Variants in PKD1L1 observed in about 807,000 individuals in gnomAD.
PKD1L1 encodes polycystin 1 like 1, transient receptor potential channel interacting, also known as polycystin-1-like protein 1.
PKD1L1 carries 236 observed loss-of-function variants against 323.4 expected under a neutral mutation model. That is an observed-to-expected ratio of 0.73 (90% CI 0.66 to 0.81). The LOEUF (loss-of-function observed/expected upper bound fraction) is 0.81. PKD1L1 is among the 40% of genes least tolerant of loss of function. The pLI, the probability that PKD1L1 is intolerant of heterozygous loss-of-function variation, is 0.00. For missense variants in PKD1L1, 3,320 were observed against 3,508.0 expected (o/e 0.95, Z 1.35); for synonymous variants, 1,344 against 1,335.0 (o/e 1.01, Z -0.15).
intron 32 of PKD1L1, among the ~76,000 whole-genome samples, chr7:47,846,560 A>G (rs573577600): frequency 6.6e-6 from 1 of 152,336 alleles, no homozygotes; most frequent in East Asian, 1.9e-4. Flanking sequence ...AGGTTCATCT[A>G]TCACTCATCC....
intron 56 of PKD1L1, among the ~76,000 whole-genome samples, chr7:47,784,033 TA>T (rs1272405376): frequency 6.6e-6 from 1 of 152,226 alleles, no homozygotes; most frequent in Non-Finnish European, 1.5e-5. Context: ...AGCCCTGGTT[TA>T]TATCCTTAGT....
chr7:47,819,620 T>A, intron 46 of PKD1L1: 2 of 1,328,510 alleles, frequency 1.5e-6, no homozygotes, highest in Non-Finnish European at 2.0e-6. Context: ...TTCCACTTAA[T>A]TTCACTATTA....
In PKD1L1 at chr7:47,915,443, G is replaced by A; in HGVS notation, c.1217C>T (p.Ala406Val). 4.3e-6 allele frequency: 4 copies of A among 925,966 alleles called. No homozygotes were observed. Among genetic ancestry groups the A allele is most frequent in the Non-Finnish European group, 7.3e-6 (4 of 551,194 alleles). The allele number at this position is 925,966 out of a possible 1,614,324, so 57.4% of individuals were successfully genotyped here. ...PSNLGYELIS[A>V]FVTKGVYMLK... ...TTTTAAAAACATACTGGTGACAAAG[G>A]CAGAAATAAGCTCATATCCAAGGTT... The change falls in exon 8 of 57, where the codon GCC (alanine) becomes GTC (valine). Residue 406 changes from alanine to valine, a missense_variant. Transcript: ENST00000289672.
chr7:47,861,611 G>A (rs1192433510), intron 26 of PKD1L1, among the ~76,000 whole-genome samples: 2 of 152,262 alleles, frequency 1.3e-5, no homozygotes, highest in Non-Finnish European at 2.9e-5. Flanking sequence ...GACTGGGTAC[G>A]GTGGCTCACG....
chr7:47,905,342 G>A lies in PKD1L1; in HGVS notation c.1523-17C>T. On this transcript the variant is annotated splice_polypyrimidine_tract_variant and intron_variant, in intron 10 of 56. Coordinates refer to ENST00000289672, the MANE Select transcript of PKD1L1 (RefSeq NM_138295.5). ...CAGAGACGGCTGTGGCAAAAGAAAG[G>A]AAGGTATGTCTATGTCAACATAGGA... is the stretch of plus-strand genomic sequence containing the variant. The A allele has an allele frequency of 6.2e-7, 1 of 1,612,370 alleles. No individual in the cohort carries two copies. The highest frequency in any genetic ancestry group is 8.5e-7 in the Non-Finnish European group (1 of 1,179,222).
Position 47,946,293 on chromosome 7 carries a change from C to T in PKD1L1, c.44+2104G>A, listed in dbSNP as rs144378469. Among the ~76,000 whole-genome samples, 44 of 152,056 alleles carry T rather than the reference C, an allele frequency of 2.9e-4. No individual in the cohort carries two copies. The highest frequency in any genetic ancestry group is 9.4e-4 in the African/African-American group (39 of 41,470). On this transcript the variant is annotated intron_variant, in intron 1 of 56. Transcript: ENST00000289672. This position sits in a 1 kb window ranked among gnomAD's most constrained non-coding sequence, Gnocchi z 4.1. The stretch of plus-strand genomic sequence containing the variant: ...GAATCCCTTAAGAGTGAGTGTTTTT[C>T]GGGGCCTGTCAGGGGCTGGGGGGCA...
chr7:47,887,455 A>G (rs1786709998), intron 17 of PKD1L1, among the ~76,000 whole-genome samples: 1 of 152,248 alleles, frequency 6.6e-6, no homozygotes, highest in South Asian at 2.1e-4. Flanking sequence ...AGTGCCCAGC[A>G]CGCTGCAACA....
intron 56 of PKD1L1, among the ~76,000 whole-genome samples, chr7:47,780,277 T>C (rs1463319721): frequency 6.6e-6 from 1 of 152,184 alleles, no homozygotes; most frequent in Non-Finnish European, 1.5e-5. Flanking sequence ...TCACCGTCTT[T>C]TCATCCCTGA....
intron 19 of PKD1L1, 122 bp from the exon 20 acceptor site, chr7:47,882,207 A>C (rs961867832): frequency 1.4e-5 from 14 of 1,034,368 alleles, no homozygotes; most frequent in Non-Finnish European, 1.9e-5. Flanking sequence ...CGCCTATCTA[A>C]TATAATGTCT....
chr7:47,809,640 T>A, intron 50 of PKD1L1, 63 bp from the exon 51 acceptor site: 1 of 1,243,110 alleles, frequency 8.0e-7, no homozygotes, highest in Non-Finnish European at 1.1e-6. Flanking sequence ...TTTTTGAAGG[T>A]CTAAACATGT....
intron 17 of PKD1L1, 31 bp from the exon 18 acceptor site, chr7:47,886,085 T>C: frequency 1.3e-6 from 2 of 1,567,590 alleles, no homozygotes; most frequent in Non-Finnish European, 1.7e-6. Flanking sequence ...TGTTAGAATT[T>C]TGCAGCAAAA....
intron 14 of PKD1L1, among the ~76,000 whole-genome samples, chr7:47,895,137 T>C (rs920008558): frequency 2.0e-5 from 3 of 152,150 alleles, no homozygotes; most frequent in African/African-American, 4.8e-5. Context: ...AGGAAGCTGC[T>C]TGGGGAAGAT....
At chr7:47,880,284 A>ATTTTTTTTT (rs35198089) in intron 21 of PKD1L1, among the ~76,000 whole-genome samples, 1 of 56,816 alleles carries the variant, frequency 1.8e-5, no homozygotes, top group Non-Finnish European at 2.8e-5. Flanking sequence ...ATATATATAT[A>ATTTTTTTTT]TTTTTTTTTT....
intron 50 of PKD1L1, 70 bp downstream of exon 50, chr7:47,811,747 G>A (rs1784900869): frequency 4.6e-6 from 6 of 1,313,204 alleles, no homozygotes; most frequent in African/African-American, 1.5e-5. Context: ...GTCTGGTGGA[G>A]AAGCCCAGCC....
chr7:47,929,379 A>G lies in PKD1L1; in HGVS notation c.885T>C (p.Asn295=), dbSNP rs1787718818. ...CCCGAGCTTCCACTTCCAGGGAGCAATTAAGAACAGGGTTCATGAAGTTAT... is the reference window on the plus strand; with the variant it reads ...CCCGAGCTTCCACTTCCAGGGAGCAGTTAAGAACAGGGTTCATGAAGTTAT... ...NSDNFMNPVL[N]CSLEVEARAP... The change falls in exon 7 of 57, where the codon AAT becomes AAC. Residue 295 remains asparagine (N), a synonymous_variant. Coordinates refer to ENST00000289672, the MANE Select transcript of PKD1L1 (RefSeq NM_138295.5). 2.5e-6 allele frequency: 4 copies of G among 1,614,224 alleles called. No homozygotes were observed. Among genetic ancestry groups the G allele is most frequent in the East Asian group, 2.2e-5 (1 of 44,880 alleles).
intron 43 of PKD1L1, 74 bp from the exon 44 acceptor site, chr7:47,829,675 T>G (rs186230460): frequency 7.0e-7 from 1 of 1,432,492 alleles, no homozygotes; most frequent in East Asian, 2.3e-5. Context: ...TGTCCTCCCG[T>G]CCCCTAATCA....
chr7:47,933,040 C>T (rs189644606), intron 4 of PKD1L1, among the ~76,000 whole-genome samples: 4 of 152,204 alleles, frequency 2.6e-5, no homozygotes, highest in Admixed American at 1.3e-4. Flanking sequence ...AGACCTGCCC[C>T]GGTGCAGAGT....
chr7:47,819,874 C>A, intron 46 of PKD1L1: 1 of 243,590 alleles, frequency 4.1e-6, no homozygotes, highest in Non-Finnish European at 8.0e-6. Context: ...TCACTTCTGC[C>A]AAAAAATCCA....
intron 1 of PKD1L1, 50 bp downstream of exon 1, chr7:47,948,347 A>G (rs367839865): frequency 2.2e-5 from 36 of 1,604,878 alleles, no homozygotes; most frequent in Non-Finnish European, 3.0e-5. Flanking sequence ...TTCTGAATGC[A>G]TACTTTAAAA....
Sources: allele counts gnomAD v4.1 joint callset (sites outside exome capture counted in the v4.1 genomes callset), GRCh38; gene constraint gnomAD v4.1.1; non-coding constraint Gnocchi (gnomAD v3.1); transcripts MANE v1.5; gene names NCBI Gene and HGNC (gene_info 2026-07-23, HGNC 2026-07-21).